Variants in RPS6KC1 observed in about 807,000 individuals in gnomAD.
RPS6KC1 encodes ribosomal protein S6 kinase C1, also known as inactive ribosomal protein S6 kinase delta-1.
In RPS6KC1, 54 loss-of-function variants were observed where a neutral mutation model predicts 103.8. The ratio of observed to expected loss-of-function variants is 0.52; its 90% CI spans 0.42 to 0.65. The LOEUF (loss-of-function observed/expected upper bound fraction) is 0.65, where lower values mean the gene tolerates loss of function less well. Among genes scored for constraint, RPS6KC1 ranks in the 30% least tolerant of loss-of-function variants. RPS6KC1 has a pLI of 0.00. For synonymous variants in RPS6KC1, 439 were observed against 438.7 expected (o/e 1.00, Z -0.01); for missense variants, 1,151 against 1,253.8 (o/e 0.92, Z 1.24).
the RPS6KC1 span, among the ~76,000 whole-genome samples, chr1:213,758,995 T>G: frequency 6.6e-6 from 1 of 152,234 alleles, no homozygotes; most frequent in East Asian, 1.9e-4. Context: ...GAAGCTCTAC[T>G]GTGCATAAAA....
the RPS6KC1 span, among the ~76,000 whole-genome samples, chr1:213,407,222 A>T: frequency 5.9e-4 from 32 of 53,788 alleles, no homozygotes; most frequent in African/African-American, 2.8e-3. Context: ...ACGCGCGCAC[A>T]CACACACACA....
the RPS6KC1 span, among the ~76,000 whole-genome samples, chr1:213,766,280 G>T: frequency 6.6e-6 from 1 of 152,160 alleles, no homozygotes; most frequent in Non-Finnish European, 1.5e-5. Context: ...GGTCCCAGAA[G>T]AAGGCAAAAC....
At chr1:213,437,524 T>C in the RPS6KC1 span, among the ~76,000 whole-genome samples, 1 of 152,074 alleles carries the variant, frequency 6.6e-6, no homozygotes, top group Non-Finnish European at 1.5e-5. Flanking sequence ...CATTATAAGC[T>C]TCAAAAAGTT....
intron 8 of RPS6KC1, among the ~76,000 whole-genome samples, chr1:213,180,393 G>C (rs946057250): frequency 6.6e-6 from 1 of 152,118 alleles, no homozygotes; most frequent in Non-Finnish European, 1.5e-5. Context: ...AACCAAATTA[G>C]TACAAATTCA....
chr1:213,545,239 T>C, the RPS6KC1 span, among the ~76,000 whole-genome samples: 1 of 151,772 alleles, frequency 6.6e-6, no homozygotes, highest in African/African-American at 2.4e-5. Flanking sequence ...GGTGTGGTGA[T>C]GGGCCCCTGT....
At chr1:213,169,472 C>G (rs544657695) in intron 7 of RPS6KC1, among the ~76,000 whole-genome samples, 1 of 152,236 alleles carries the variant, frequency 6.6e-6, no homozygotes, top group South Asian at 2.1e-4. Flanking sequence ...AGTCTGTATT[C>G]TGTTTGCTAA....
chr1:213,592,978 G>T, the RPS6KC1 span, among the ~76,000 whole-genome samples: 1 of 152,188 alleles, frequency 6.6e-6, no homozygotes, highest in African/African-American at 2.4e-5. Context: ...AGTGGGAGTG[G>T]ATGCTAATGG....
the RPS6KC1 span, among the ~76,000 whole-genome samples, chr1:213,426,884 C>A: frequency 2.6e-5 from 4 of 152,128 alleles, no homozygotes; most frequent in African/African-American, 4.8e-5. Flanking sequence ...TAAAATAAAA[C>A]CCCTACTATG....
the RPS6KC1 span, among the ~76,000 whole-genome samples, chr1:213,635,426 G>A: frequency 2.6e-5 from 4 of 152,152 alleles, no homozygotes; most frequent in Admixed American, 1.3e-4. Context: ...TATCCACCAC[G>A]ATCAAGTTGG....
the RPS6KC1 span, among the ~76,000 whole-genome samples, chr1:213,292,756 GAAAC>G: frequency 3.9e-5 from 6 of 152,198 alleles, no homozygotes; most frequent in African/African-American, 1.2e-4. Context: ...TAATTATTAA[GAAAC>G]AAAGGAAGAA....
the RPS6KC1 span, among the ~76,000 whole-genome samples, chr1:213,639,158 T>C: frequency 6.6e-6 from 1 of 152,140 alleles, no homozygotes. Flanking sequence ...GTTGTTACTA[T>C]ATAGAAATAC....
chr1:213,352,354 G>A, the RPS6KC1 span, among the ~76,000 whole-genome samples: 1 of 152,092 alleles, frequency 6.6e-6, no homozygotes, highest in Non-Finnish European at 1.5e-5. Context: ...TGTGTATCAA[G>A]TAATAAGTAC....
chr1:213,198,551 A>G (rs1322609406), intron 8 of RPS6KC1, among the ~76,000 whole-genome samples: 3 of 152,202 alleles, frequency 2.0e-5, no homozygotes, highest in South Asian at 4.1e-4. Flanking sequence ...TAAGTTTTCC[A>G]AACTTTTAGA....
At chr1:213,277,177 G>C (rs1368509847), downstream of RPS6KC1, among the ~76,000 whole-genome samples, 1 of 152,178 alleles carries the variant, frequency 6.6e-6, no homozygotes, top group African/African-American at 2.4e-5. Flanking sequence ...GTTGTAAACA[G>C]AATAGCAGCA....
At chr1:213,819,244 G>T in the RPS6KC1 span, 2 of 152,266 alleles carry the variant, frequency 1.3e-5, no homozygotes, top group South Asian at 4.1e-4. Context: ...CAGGAAGGAA[G>T]TCCATTCAGC....
the RPS6KC1 span, among the ~76,000 whole-genome samples, chr1:213,710,900 G>A: frequency 6.6e-6 from 1 of 152,122 alleles, no homozygotes; most frequent in African/African-American, 2.4e-5. Context: ...TTGTCTGATG[G>A]GTTTCCCTGT....
intron 8 of RPS6KC1, among the ~76,000 whole-genome samples, chr1:213,230,100 A>G (rs1428706553): frequency 6.6e-6 from 1 of 152,216 alleles, no homozygotes; most frequent in Non-Finnish European, 1.5e-5. Context: ...AGATCACATT[A>G]TAGCAAGTTG....
At chr1:213,739,968 G>T in the RPS6KC1 span, among the ~76,000 whole-genome samples, 2 of 152,116 alleles carry the variant, frequency 1.3e-5, no homozygotes, top group Admixed American at 6.6e-5. Context: ...GCTATGAACA[G>T]TCCCAGAGAG....
At chr1:213,150,733 A>G (rs1183268868) in intron 6 of RPS6KC1, among the ~76,000 whole-genome samples, 1 of 152,140 alleles carries the variant, frequency 6.6e-6, no homozygotes, top group African/African-American at 2.4e-5. Flanking sequence ...AGACACGGCA[A>G]CCATCCGATT....
Sources: gnomAD v4.1 joint callset for allele counts (sites outside exome capture counted in the v4.1 genomes callset) on GRCh38, gnomAD v4.1.1 for gene constraint, MANE v1.5 for transcripts, NCBI Gene and HGNC (gene_info 2026-07-23, HGNC 2026-07-21) for gene names.